The following ZMAT5 variants were observed in gnomAD, a reference collection of about 807,000 sequenced individuals.
ZMAT5 encodes zinc finger matrin-type protein 5.
ZMAT5 carries 23 observed loss-of-function variants against 28.0 expected under a neutral mutation model. That is an observed-to-expected ratio of 0.82 (90% CI 0.59 to 1.16). The LOEUF (loss-of-function observed/expected upper bound fraction) is 1.16, where lower values mean the gene tolerates loss of function less well. Among genes scored for constraint, ZMAT5 ranks in the 50% most tolerant of loss-of-function variants. ZMAT5 has a pLI of 0.00. For missense variants in ZMAT5, 173 were observed against 212.7 expected, an observed-to-expected ratio of 0.81 and a Z score of 1.16; for synonymous variants, 76 against 84.1, an observed-to-expected ratio of 0.90 and a Z score of 0.52.
intron 1 of ZMAT5, among the ~76,000 whole-genome samples, chr22:29,760,090 A>C (rs985914120): frequency 1.3e-5 from 2 of 151,964 alleles, no homozygotes; most frequent in Non-Finnish European, 2.9e-5. Flanking sequence ...AGTCCCTGCT[A>C]CTCGAAAGGC....
At chr22:29,751,615 G>A (rs1436740788) in intron 1 of ZMAT5, among the ~76,000 whole-genome samples, 1 of 152,182 alleles carries the variant, frequency 6.6e-6, no homozygotes, top group Non-Finnish European at 1.5e-5. Context: ...CTTAGCCAAG[G>A]TCACACTGCT....
At chr22:29,758,471 A>T (rs924888549) in intron 1 of ZMAT5, among the ~76,000 whole-genome samples, 1 of 151,962 alleles carries the variant, frequency 6.6e-6, no homozygotes, top group Non-Finnish European at 1.5e-5. Context: ...TGTTTTTTTT[A>T]AATTAGCTGG....
At chr22:29,738,241 A>T in intron 5 of ZMAT5, 89 bp downstream of exon 5, 2 of 1,286,850 alleles carry the variant, frequency 1.6e-6, no homozygotes, top group Non-Finnish European at 2.2e-6. Context: ...TGGGCAGTTC[A>T]TGGAGATTCC....
chr22:29,744,017 A>T (rs569337411), intron 2 of ZMAT5, among the ~76,000 whole-genome samples: 1 of 152,186 alleles, frequency 6.6e-6, no homozygotes, highest in South Asian at 2.1e-4. Flanking sequence ...TCCAAGTCTC[A>T]GTTTCCCCAT....
chr22:29,765,551 C>A (rs752144636), intron 1 of ZMAT5, among the ~76,000 whole-genome samples: 1 of 152,132 alleles, frequency 6.6e-6, no homozygotes, highest in African/African-American at 2.4e-5. Context: ...CTGATCACTG[C>A]CCTGCTCCAC....
chr22:29,747,428 ACTCT>A, intron 2 of ZMAT5: 1 of 151,918 alleles, frequency 6.6e-6, no homozygotes, highest in South Asian at 2.1e-4. Context: ...CAACCAGGGA[ACTCT>A]CTCTCCACCT....
intron 1 of ZMAT5, among the ~76,000 whole-genome samples, chr22:29,761,546 T>C (rs1283253148): frequency 6.6e-6 from 1 of 152,090 alleles, no homozygotes; most frequent in African/African-American, 2.4e-5. Flanking sequence ...TGAGCCAAGA[T>C]TGCACCACTG....
intron 5 of ZMAT5, 123 bp downstream of exon 5, chr22:29,738,207 G>A: frequency 1.1e-6 from 1 of 909,456 alleles, no homozygotes; most frequent in South Asian, 1.6e-5. Flanking sequence ...CTATGTGTAG[G>A]CAACTTTATT....
chr22:29,742,772 G>C (rs909355713), intron 2 of ZMAT5, among the ~76,000 whole-genome samples: 9 of 152,146 alleles, frequency 5.9e-5, no homozygotes, highest in African/African-American at 2.2e-4. Context: ...GAGTCAGCTG[G>C]AGAGTCTGGG....
chr22:29,761,641 C>T (rs1453258768), intron 1 of ZMAT5, among the ~76,000 whole-genome samples: 1 of 151,902 alleles, frequency 6.6e-6, no homozygotes. Context: ...AGGTTATGTG[C>T]TCCTTATGAG....
At position 29,766,992 on chromosome 22, in the gene ZMAT5, C is replaced by T. The variant is rs921570914; in HGVS notation, c.-148G>A. 2 of 158,424 alleles carry T rather than the reference C, an allele frequency of 1.3e-5. No individual in the cohort carries two copies. The highest frequency in any genetic ancestry group is 2.8e-5 in the Non-Finnish European group (2 of 71,400). 9.8% of individuals were successfully genotyped at this position (158,424 alleles called of 1,614,324 possible). On this transcript the variant is annotated 5_prime_UTR_variant, in exon 1 of 6. Coordinates refer to ENST00000344318, the MANE Select transcript of ZMAT5 (RefSeq NM_001003692.2). The stretch of plus-strand genomic sequence containing the variant: ...CAGCTCCGGGCTCCTCCTCCTGCGT[C>T]CTCGCGTCGCGTACTGCTTGCTGGG...
At chr22:29,748,097 G>A (rs941674602) in intron 2 of ZMAT5, 68 of 385,816 alleles carry the variant, frequency 1.8e-4, no homozygotes, top group African/African-American at 1.0e-3. Flanking sequence ...GAGCCCTGGT[G>A]CTGGACTCAG....
At chr22:29,752,464 C>T (rs2068063482) in intron 1 of ZMAT5, among the ~76,000 whole-genome samples, 1 of 152,164 alleles carries the variant, frequency 6.6e-6, no homozygotes, top group East Asian at 1.9e-4. Flanking sequence ...TGGCTGCCCA[C>T]CCATGCCCTC....
intron 5 of ZMAT5, among the ~76,000 whole-genome samples, chr22:29,733,929 C>A (rs988084661): frequency 6.6e-6 from 1 of 152,222 alleles, no homozygotes; most frequent in African/African-American, 2.4e-5. Flanking sequence ...CATTGAGGTG[C>A]GTGTCTGGCA....
At chr22:29,731,606 TC>T (rs1450172803) in intron 5 of ZMAT5, 5 of 459,410 alleles carry the variant, frequency 1.1e-5, no homozygotes, top group Non-Finnish European at 1.9e-5. Flanking sequence ...AACCTTCGTG[TC>T]CACCTGTGGG....
At chr22:29,753,387 T>C (rs2068071476) in intron 1 of ZMAT5, among the ~76,000 whole-genome samples, 2 of 152,162 alleles carry the variant, frequency 1.3e-5, no homozygotes, top group South Asian at 2.1e-4. Context: ...TAGCTGGGCA[T>C]AGTGGCGTGT....
At chr22:29,740,865 C>A (rs1286237132) in intron 3 of ZMAT5, 135 bp from the exon 4 acceptor site, 3 of 756,816 alleles carry the variant, frequency 4.0e-6, no homozygotes, top group Non-Finnish European at 4.4e-6. Flanking sequence ...TGATCCGGGA[C>A]AGAAAATGGA....
chr22:29,754,408 G>A (rs2068081227), intron 1 of ZMAT5, among the ~76,000 whole-genome samples: 1 of 152,212 alleles, frequency 6.6e-6, no homozygotes, highest in Non-Finnish European at 1.5e-5. Flanking sequence ...GGGGCAGCGG[G>A]CAAGGCTAGT....
chr22:29,749,978 TG>T (rs1402366576), intron 1 of ZMAT5, among the ~76,000 whole-genome samples: 2 of 152,172 alleles, frequency 1.3e-5, no homozygotes, highest in Non-Finnish European at 1.5e-5. Flanking sequence ...TACCCAGTCT[TG>T]GGTATTTCCT....
Sources: allele counts gnomAD v4.1 joint callset (sites outside exome capture counted in the v4.1 genomes callset), GRCh38; gene constraint gnomAD v4.1.1; transcripts MANE v1.5; gene names NCBI Gene and HGNC (gene_info 2026-07-23, HGNC 2026-07-21).